The following KANSL1 variants were observed in gnomAD, a reference collection of about 807,000 sequenced individuals.
The protein encoded by KANSL1 is KAT8 regulatory NSL complex subunit 1.
A neutral mutation model predicts 103.6 loss-of-function variants in KANSL1; 22 were observed. The ratio of observed to expected loss-of-function variants is 0.21; its 90% CI spans 0.15 to 0.30. The LOEUF (loss-of-function observed/expected upper bound fraction) is 0.30, where lower values mean the gene tolerates loss of function less well. Ranked by LOEUF, KANSL1 falls within the 10% of genes least tolerant of loss-of-function variation. The pLI, the probability that KANSL1 is intolerant of heterozygous loss-of-function variation, is 1.00. For synonymous variants in KANSL1, 600 were observed against 527.6 expected, an observed-to-expected ratio of 1.14 and a Z score of -1.88; for missense variants, 1,337 against 1,399.8, an observed-to-expected ratio of 0.96 and a Z score of 0.72.
chr17:46,096,316 T>TTCTTTC (rs2042077146), intron 2 of KANSL1, among the ~76,000 whole-genome samples: 1 of 97,202 alleles, frequency 1.0e-5, no homozygotes, highest in South Asian at 3.1e-4. Context: ...TTTTTCTTTT[T>TTCTTTC]TTTTTTTTTT....
At chr17:46,192,104 C>T (rs565225454) in intron 1 of KANSL1, among the ~76,000 whole-genome samples, 2 of 152,326 alleles carry the variant, frequency 1.3e-5, no homozygotes, top group African/African-American at 4.8e-5. Flanking sequence ...AGTTAAGTAG[C>T]ACGTTTCTCT....
rs2077033567 is a variant in KANSL1 at position 46,032,293 on chromosome 17, G to A, written c.2844C>T (p.Tyr948=). ...GGGTTGTCCGGCCGTCTGATGACCT[G>A]TAGGACCTGCACACCAAGGAATGCA... The part of the protein sequence containing the change: ...VPPQRRGSRS[Y]RSSDGRTTPQ... Residue 948 remains tyrosine, a synonymous_variant, in exon 14 of 15, where the codon TAC becomes TAT. Coordinates refer to ENST00000432791, the MANE Select transcript of KANSL1 (RefSeq NM_015443.4). The A allele has an allele frequency of 1.3e-6, 2 of 1,519,422 alleles. No homozygotes were observed. The highest frequency in any genetic ancestry group is 1.8e-6 in the Non-Finnish European group (2 of 1,134,906). The allele number at this position is 1,519,422 out of a possible 1,614,324, so 94.1% of individuals were successfully genotyped here. A position where few individuals can be genotyped will look rare whatever the true frequency, so the allele number is the denominator to read the frequency against.
At chr17:46,105,935 ACACACACACACACCCC>A (rs2042534732) in intron 2 of KANSL1, among the ~76,000 whole-genome samples, 1 of 90,980 alleles carries the variant, frequency 1.1e-5, no homozygotes, top group African/African-American at 3.5e-5. Flanking sequence ...ACACACACAC[ACACACACACACACCCC>A]CCCAGAAGGG....
chr17:46,169,609 G>A (rs1464628588), intron 2 of KANSL1: 1 of 152,194 alleles, frequency 6.6e-6, no homozygotes, highest in Non-Finnish European at 1.5e-5. Flanking sequence ...CCAGCCTCTA[G>A]CAAAGAGAAA....
intron 6 of KANSL1, among the ~76,000 whole-genome samples, chr17:46,062,229 T>C (rs1311431435): frequency 6.6e-6 from 1 of 151,958 alleles, no homozygotes; most frequent in Non-Finnish European, 1.5e-5. Flanking sequence ...ATCATCAGTT[T>C]GGGCATTCAA....
intron 3 of KANSL1, among the ~76,000 whole-genome samples, chr17:46,091,426 T>C (rs914177167): frequency 2.6e-5 from 4 of 152,156 alleles, no homozygotes; most frequent in Admixed American, 1.3e-4. Flanking sequence ...GAAAAAAATA[T>C]TTAAAATAAA....
chr17:46,141,213 C>G (rs560870128), intron 2 of KANSL1, among the ~76,000 whole-genome samples: 1 of 152,194 alleles, frequency 6.6e-6, no homozygotes, highest in Non-Finnish European at 1.5e-5. Context: ...CTTTTATATT[C>G]CCACCTGTGA....
chr17:46,152,143 G>A (rs919721462), intron 2 of KANSL1, among the ~76,000 whole-genome samples: 1 of 152,220 alleles, frequency 6.6e-6, no homozygotes, highest in South Asian at 2.1e-4. Flanking sequence ...AACAAAAATT[G>A]AAAACTATGA....
intron 1 of KANSL1, among the ~76,000 whole-genome samples, chr17:46,181,324 A>G (rs2046780082): frequency 6.6e-6 from 1 of 152,132 alleles, no homozygotes. Context: ...GGTCCTCATC[A>G]GCTCCTGTCT....
At chr17:46,094,338 C>G (rs2079530825) in intron 3 of KANSL1, 2 of 554,560 alleles carry the variant, frequency 3.6e-6, no homozygotes, top group East Asian at 3.6e-5. Context: ...CTCAAATGAT[C>G]CTCCTGCCTT....
intron 1 of KANSL1, among the ~76,000 whole-genome samples, chr17:46,173,431 T>A (rs2046378584): frequency 6.6e-6 from 1 of 152,196 alleles, no homozygotes; most frequent in African/African-American, 2.4e-5. Flanking sequence ...GCTAAAAATC[T>A]CAGTCATTTG....
chr17:46,039,656 A>C, intron 8 of KANSL1, 46 bp downstream of exon 8: 1 of 1,570,310 alleles, frequency 6.4e-7, no homozygotes, highest in Non-Finnish European at 8.6e-7. Context: ...AAAGGAATGA[A>C]AAGTCACTGA....
At chr17:46,086,972 T>C (rs1179286240) in intron 3 of KANSL1, among the ~76,000 whole-genome samples, 3 of 152,160 alleles carry the variant, frequency 2.0e-5, no homozygotes, top group African/African-American at 7.2e-5. Flanking sequence ...TTCACCATGT[T>C]GCCAAGGCTG....
Position 46,031,298 on chromosome 17 carries a change from A to ACAAAAAC in KANSL1, c.*171_*177dup. On this transcript the variant is annotated 3_prime_UTR_variant, in exon 15 of 15. Transcript: ENST00000432791. ...AGGTGTGTGACAAGAAAACATGGAA[A>ACAAAAAC]CAAAAACAAAACAAAAATTAAAACA... 1 of 683,500 alleles carries ACAAAAAC rather than the reference A, an allele frequency of 1.5e-6. No individual in the cohort carries two copies. The highest frequency in any genetic ancestry group is 2.4e-6 in the Non-Finnish European group (1 of 414,236). The allele number at this position is 683,500 out of a possible 1,614,324, so 42.3% of individuals were successfully genotyped here.
chr17:46,051,701 G>C (rs1568389426), intron 6 of KANSL1, among the ~76,000 whole-genome samples: 1 of 152,146 alleles, frequency 6.6e-6, no homozygotes, highest in African/African-American at 2.4e-5. Context: ...GGCATCCTAG[G>C]TGCAAGCTCA....
intron 4 of KANSL1, among the ~76,000 whole-genome samples, chr17:46,070,927 T>G (rs1297453614): frequency 1.3e-5 from 2 of 152,208 alleles, no homozygotes. Context: ...CAAGATAAAA[T>G]GTTGCCATTC....
At chr17:46,080,831 T>C (rs2078964298) in intron 4 of KANSL1, among the ~76,000 whole-genome samples, 1 of 148,050 alleles carries the variant, frequency 6.8e-6, no homozygotes, top group Non-Finnish European at 1.5e-5. Context: ...CTTGACAAAA[T>C]AGTGACAGTG....
chr17:46,047,173 G>A (rs944010554), intron 7 of KANSL1, among the ~76,000 whole-genome samples: 1 of 152,110 alleles, frequency 6.6e-6, no homozygotes, highest in Non-Finnish European at 1.5e-5. Context: ...AGGGGGTTTT[G>A]GTAACAAAAG....
chr17:46,056,573 A>G (rs1345860341), intron 6 of KANSL1, among the ~76,000 whole-genome samples: 1 of 150,510 alleles, frequency 6.6e-6, no homozygotes, highest in African/African-American at 2.4e-5. Flanking sequence ...GTAAAACCGT[A>G]AGTATAGCTA....
Sources: gnomAD v4.1 joint callset for allele counts (sites outside exome capture counted in the v4.1 genomes callset) on GRCh38, gnomAD v4.1.1 for gene constraint, MANE v1.5 for transcripts, NCBI Gene and HGNC (gene_info 2026-07-23, HGNC 2026-07-21) for gene names.